Variants in FRAS1 observed in about 807,000 individuals in gnomAD.
FRAS1 encodes Fraser extracellular matrix complex subunit 1.
FRAS1 carries 290 observed loss-of-function variants against 435.2 expected under a neutral mutation model. The observed-to-expected ratio is 0.67, with a 90% CI of 0.61 to 0.73. The LOEUF is 0.73. Among genes scored for constraint, FRAS1 ranks in the 30% least tolerant of loss-of-function variants. The pLI, the probability that FRAS1 is intolerant of heterozygous loss-of-function variation, is 0.00. For missense variants in FRAS1, 4,860 were observed against 5,001.5 expected (o/e 0.97, Z 0.85); for synonymous variants, 1,800 against 1,851.0 (o/e 0.97, Z 0.71).
chr4:78,170,360 A>G (rs1721501987), intron 2 of FRAS1, among the ~76,000 whole-genome samples: 1 of 152,176 alleles, frequency 6.6e-6, no homozygotes, highest in South Asian at 2.1e-4. Context: ...AAGGTTAGCC[A>G]ACAACCGGTA....
At chr4:78,337,246 CT>C (rs1459734200) in intron 19 of FRAS1, among the ~76,000 whole-genome samples, 2 of 152,152 alleles carry the variant, frequency 1.3e-5, no homozygotes, top group African/African-American at 2.4e-5. Flanking sequence ...GGATTCCCCC[CT>C]CATCTGCTAG....
intron 54 of FRAS1, 31 bp from the exon 55 acceptor site, chr4:78,477,784 G>T: frequency 6.3e-7 from 1 of 1,598,550 alleles, no homozygotes; most frequent in South Asian, 1.1e-5. Flanking sequence ...CTGAGGCACA[G>T]CTTAACTTCT....
chr4:78,514,230 C>T lies in FRAS1; in HGVS notation c.10174+678C>T, dbSNP rs538878902. Among the ~76,000 whole-genome samples, 11 of 152,334 alleles carry T rather than the reference C, an allele frequency of 7.2e-5. No individual in the cohort carries two copies. In the East Asian group the frequency reaches 9.7e-4, roughly 13 times the overall value. On this transcript the variant is annotated intron_variant, in intron 65 of 73. Transcript: ENST00000512123. ...CTAAGTCACTGGATGCAGGCTGCCC[C>T]GCAAGGGCATGACCTTGGGCTGAGC...
intron 19 of FRAS1, among the ~76,000 whole-genome samples, chr4:78,333,994 G>A (rs55879884): frequency 0.037 from 5,644 of 152,136 alleles, 364 homozygotes; most frequent in African/African-American, 0.13. Context: ...AAAAAGTGTT[G>A]CCCAGGCTAG....
At position 78,441,255 on chromosome 4, in the gene FRAS1, A is replaced by G; in HGVS notation, c.5623A>G (p.Ser1875Gly). 19 of 1,613,602 alleles carry G rather than the reference A, an allele frequency of 1.2e-5. No homozygotes were observed. Among genetic ancestry groups the G allele is most frequent in the Non-Finnish European group, 1.6e-5 (19 of 1,179,710 alleles). The stretch of plus-strand genomic sequence containing the variant: ...CCAGAGAGATGCCATCATTAAACTA[A>G]GTGCTCTGCCCAAATATGGCTGCAT... Reference protein sequence around the residue: ...NLQRDAIIKLSALPKYGCIEN... With the variant: ...NLQRDAIIKLGALPKYGCIEN... The change falls in exon 41 of 74, where the codon AGT (serine) becomes GGT (glycine). Residue 1875 changes from serine (S) to glycine (G), a missense_variant. By Grantham distance (56) the Ser-to-Gly change is moderately conservative. Coordinates refer to ENST00000512123, the MANE Select transcript of FRAS1 (RefSeq NM_025074.7).
intron 2 of FRAS1, among the ~76,000 whole-genome samples, chr4:78,089,441 T>TA (rs973145325): frequency 6.6e-6 from 1 of 151,664 alleles, no homozygotes; most frequent in East Asian, 1.9e-4. Flanking sequence ...ATAATAAAGT[T>TA]AAAAAAAATA....
chr4:78,115,975 A>T (rs1283450941), intron 2 of FRAS1, among the ~76,000 whole-genome samples: 1 of 152,174 alleles, frequency 6.6e-6, no homozygotes, highest in Non-Finnish European at 1.5e-5. Flanking sequence ...TTAGTGCTAT[A>T]AATTTCCGTC....
intron 18 of FRAS1, among the ~76,000 whole-genome samples, chr4:78,321,751 A>G (rs1276592687): frequency 4.0e-5 from 6 of 150,826 alleles, no homozygotes; most frequent in Admixed American, 2.0e-4. Context: ...AGGGTGAGGC[A>G]GGAGAATAGC....
chr4:78,080,265 G>C (rs532737796), intron 2 of FRAS1, among the ~76,000 whole-genome samples: 1 of 152,240 alleles, frequency 6.6e-6, no homozygotes, highest in Non-Finnish European at 1.5e-5. Flanking sequence ...ACAGAAAGCC[G>C]ACTGCTTGCT....
rs1329249942 is a variant in FRAS1 at position 78,313,118 on chromosome 4, A to C, written c.1679-2476A>C. Among the ~76,000 whole-genome samples, 30 of 152,198 alleles carry C rather than the reference A, an allele frequency of 2.0e-4. 2 individuals are homozygous for C. The highest frequency in any genetic ancestry group is 2.9e-4 in the Non-Finnish European group (20 of 68,028). ...TTTTCATTTCTTGGAAATTGCATTT[A>C]GCTTTTAGATTACTCACTTCTGTTG... On this transcript the variant is annotated intron_variant, in intron 15 of 73. Transcript: ENST00000512123.
Position 78,464,446 on chromosome 4 carries a change from A to G in FRAS1, c.6892A>G (p.Thr2298Ala). The G allele has an allele frequency of 1.9e-6, 3 of 1,613,954 alleles. No homozygotes were observed. The South Asian group carries it at 3.3e-5, about 18-fold the overall frequency. The change falls in exon 49 of 74, where the codon ACT (threonine) becomes GCT (alanine). Residue 2298 changes from threonine (T) to alanine (A), a missense_variant. Physicochemically the swap from Thr to Ala is moderately conservative, Grantham distance 58. Coordinates refer to ENST00000512123, the MANE Select transcript of FRAS1 (RefSeq NM_025074.7). ...CTGCACTTTCCTGCCATTCTAGGTG[A>G]CTCAGACTTTCCATATCACTCTTCA... ...FTLSDGVSEV[T>A]QTFHITLHPV...
intron 6 of FRAS1, among the ~76,000 whole-genome samples, chr4:78,260,744 A>C: frequency 6.6e-6 from 1 of 152,134 alleles, no homozygotes; most frequent in South Asian, 2.1e-4. Flanking sequence ...CACTATGTTG[A>C]ATAGGAGTGG....
At chr4:78,235,241 A>G (rs1724700286) in intron 2 of FRAS1, among the ~76,000 whole-genome samples, 1 of 152,176 alleles carries the variant, frequency 6.6e-6, no homozygotes, top group African/African-American at 2.4e-5. Flanking sequence ...CGACATTGAG[A>G]CTAGTGTTTG....
intron 4 of FRAS1, among the ~76,000 whole-genome samples, chr4:78,247,862 C>G (rs1219351687): frequency 6.6e-6 from 1 of 152,124 alleles, no homozygotes. Flanking sequence ...GAAGTGGAAG[C>G]TTTCCCCTAA....
chr4:78,439,088 A>C, intron 40 of FRAS1, 24 bp downstream of exon 40: 1 of 1,591,724 alleles, frequency 6.3e-7, no homozygotes, highest in Non-Finnish European at 8.6e-7. Flanking sequence ...AGATCAATAA[A>C]CAGTGAGTAC....
chr4:78,354,740 CTG>C (rs1730784853), intron 20 of FRAS1, among the ~76,000 whole-genome samples: 1 of 152,222 alleles, frequency 6.6e-6, no homozygotes, highest in African/African-American at 2.4e-5. Context: ...AAAAATCTCA[CTG>C]TGTGTCTAAA....
At chr4:78,284,150 T>A (rs1051512921) in intron 12 of FRAS1, among the ~76,000 whole-genome samples, 1 of 151,826 alleles carries the variant, frequency 6.6e-6, no homozygotes, top group Non-Finnish European at 1.5e-5. Context: ...GTTCTTTTAG[T>A]ATCTTCATGC....
At chr4:78,531,280 T>C (rs1371845942) in intron 70 of FRAS1, among the ~76,000 whole-genome samples, 2 of 152,230 alleles carry the variant, frequency 1.3e-5, no homozygotes, top group Non-Finnish European at 2.9e-5. Flanking sequence ...TCATGTCATC[T>C]GCAAACAGAG....
intron 42 of FRAS1, chr4:78,446,118 G>C: frequency 9.6e-7 from 1 of 1,043,936 alleles, no homozygotes; most frequent in South Asian, 4.4e-5. Flanking sequence ...TGTGTTCCTT[G>C]ATGCTGTATT....
Sources: gnomAD v4.1 joint callset for allele counts (sites outside exome capture counted in the v4.1 genomes callset) on GRCh38, gnomAD v4.1.1 for gene constraint, MANE v1.5 for transcripts, NCBI Gene and HGNC (gene_info 2026-07-23, HGNC 2026-07-21) for gene names.